The following FHOD3 variants were observed in gnomAD, a reference collection of about 807,000 sequenced individuals.
The protein encoded by FHOD3 is formin homology 2 domain containing 3, also known as FH1/FH2 domain-containing protein 3.
A neutral mutation model predicts 173.0 loss-of-function variants in FHOD3; 90 were observed. That is an observed-to-expected ratio of 0.52 (90% confidence interval 0.44 to 0.62). FHOD3 has a LOEUF of 0.62. Among genes scored for constraint, FHOD3 ranks in the 20% least tolerant of loss-of-function variants. The pLI, the probability that FHOD3 is intolerant of heterozygous loss-of-function variation, is 0.00. For missense variants in FHOD3, 1,945 were observed against 2,034.7 expected (o/e 0.96, Z 0.85); for synonymous variants, 828 against 823.0 (o/e 1.01, Z -0.10).
intron 5 of FHOD3, among the ~76,000 whole-genome samples, chr18:36,523,169 T>C (rs1459154048): frequency 1.3e-5 from 2 of 152,190 alleles, no homozygotes; most frequent in East Asian, 3.8e-4. Flanking sequence ...GTTCCTAGAA[T>C]TACAGCCCTC....
In FHOD3 at chr18:36,760,640, C is replaced by A; in HGVS notation, c.4482C>A (p.Pro1494=). Residue 1494 remains proline (P), a synonymous_variant, in exon 27 of 29, where the codon CCC becomes CCA. Coordinates refer to ENST00000590592, the MANE Select transcript of FHOD3 (RefSeq NM_001281740.3). The part of the protein sequence containing the change: ...SGKFSGSSPA[P]PSQPQGLSYA... ...AGTTCTCCGGCAGTTCTCCGGCGCC[C>A]CCAAGCCAGCCGCAGGGTCTGAGCT... 6.3e-7 allele frequency: 1 copy of A among 1,594,238 alleles called. No individual in the cohort carries two copies. The highest frequency in any genetic ancestry group is 1.1e-5 in the South Asian group (1 of 89,080).
rs113016893 is a variant in FHOD3 at position 36,383,326 on chromosome 18, G to A, written c.337+10582G>A. Among the ~76,000 whole-genome samples, 320 of 152,344 alleles carry A rather than the reference G, an allele frequency of 2.1e-3. 4 individuals carry two copies. The highest frequency in any genetic ancestry group is 7.3e-3 in the African/African-American group (302 of 41,574). On this transcript the variant is annotated intron_variant, in intron 3 of 28. Transcript: ENST00000590592. ...AATGTGGACATCTGAGGCTGGAGGA[G>A]TTCTCAGGGTGCTGTGCTGCGGCTG...
Position 36,681,555 on chromosome 18 carries a change from A to G in FHOD3, c.1955A>G (p.Glu652Gly). 6.2e-7 allele frequency: 1 copy of G among 1,613,672 alleles called. No individual in the cohort carries two copies. The highest frequency in any genetic ancestry group is 8.5e-7 in the Non-Finnish European group (1 of 1,179,768). The stretch of plus-strand genomic sequence containing the variant: ...AGGTTGCAGAGAATAGAGCGGGAAG[A>G]AAGAAACAAATTCAGGTAAGAAGGA... ...EERLQRIERE[E>G]RNKFSRDYLD... is the part of the protein sequence containing the mutation. Residue 652 changes from glutamate to glycine, a missense_variant, in exon 15 of 29, where the codon GAA becomes GGA. By Grantham distance (98) the Glu-to-Gly change is moderately conservative. Coordinates refer to ENST00000590592, the MANE Select transcript of FHOD3 (RefSeq NM_001281740.3).
intron 3 of FHOD3, among the ~76,000 whole-genome samples, chr18:36,430,744 G>A (rs1451073058): frequency 6.6e-6 from 1 of 152,128 alleles, no homozygotes; most frequent in African/African-American, 2.4e-5. Flanking sequence ...ATATTGGGCT[G>A]GTAGATTTAG....
intron 1 of FHOD3, among the ~76,000 whole-genome samples, chr18:36,318,038 G>A (rs980515316): frequency 1.3e-5 from 2 of 152,144 alleles, no homozygotes; most frequent in Non-Finnish European, 1.5e-5. Flanking sequence ...GATTCTAGAT[G>A]TGTGGTGTTA....
At position 36,760,840 on chromosome 18, in the gene FHOD3, G is replaced by C. The variant is rs925654081; in HGVS notation, c.4624+58G>C. On this transcript the variant is annotated intron_variant, in intron 27 of 28. Transcript: ENST00000590592. ...TTCTCAGGTTGGCCGCTCTGGGGGG[G>C]TCCGGTCTCCATCGCAGGCTGCGGT... 8 of 1,507,320 alleles carry C rather than the reference G, an allele frequency of 5.3e-6. No homozygotes were observed. The Admixed American group carries it at 1.4e-4, about 26-fold the overall frequency. 93.4% of individuals were successfully genotyped at this position (1,507,320 alleles called of 1,614,324 possible).
At chr18:36,466,098 A>G (rs938049941) in intron 3 of FHOD3, among the ~76,000 whole-genome samples, 1 of 152,136 alleles carries the variant, frequency 6.6e-6, no homozygotes, top group African/African-American at 2.4e-5. Context: ...CTGAATAAAT[A>G]AATACATGTT....
At chr18:36,571,210 T>C (rs2058440161) in intron 5 of FHOD3, among the ~76,000 whole-genome samples, 1 of 152,202 alleles carries the variant, frequency 6.6e-6, no homozygotes, top group Admixed American at 6.5e-5. Flanking sequence ...TTCAATTTTG[T>C]TTCTATATAC....
At chr18:36,743,906 C>G (rs776844802) in intron 22 of FHOD3, 126 bp from the exon 23 acceptor site, 4 of 1,047,846 alleles carry the variant, frequency 3.8e-6, no homozygotes, top group Non-Finnish European at 4.3e-6. Context: ...GCATGTGGCC[C>G]CAGGAGCTTC....
chr18:36,411,574 A>AT (rs1335474103), intron 3 of FHOD3, among the ~76,000 whole-genome samples: 2 of 151,952 alleles, frequency 1.3e-5, no homozygotes, highest in Non-Finnish European at 2.9e-5. Flanking sequence ...TACTTCATTT[A>AT]TTTTTTATGT....
Position 36,708,971 on chromosome 18 carries a change from C to G in FHOD3, c.2237-124C>G. ...GTGTTTGAATAACCAGGGCATAGGT[C>G]TCTTGGGGGCCATCTTTGGACATCT... is the stretch of plus-strand genomic sequence containing the variant. On this transcript the variant is annotated intron_variant, in intron 17 of 28. Transcript: ENST00000590592. 3 of 1,201,764 alleles carry G rather than the reference C, an allele frequency of 2.5e-6. No individual in the cohort carries two copies. The East Asian group carries it at 7.1e-5, about 28-fold the overall frequency. 74.4% of individuals were successfully genotyped at this position (1,201,764 alleles called of 1,614,324 possible). A position where few individuals can be genotyped will look rare whatever the true frequency, so the allele number is the denominator to read the frequency against.
intron 5 of FHOD3, among the ~76,000 whole-genome samples, chr18:36,548,009 T>C (rs2057483369): frequency 2.6e-5 from 4 of 152,168 alleles, no homozygotes; most frequent in Admixed American, 2.6e-4. Flanking sequence ...CTGGCCAACA[T>C]GGTGAAACCC....
chr18:36,746,085 T>A (rs1330484390), intron 23 of FHOD3, among the ~76,000 whole-genome samples: 11 of 152,170 alleles, frequency 7.2e-5, no homozygotes, highest in Non-Finnish European at 1.3e-4. Flanking sequence ...CTCTGATTTA[T>A]GTAATTTTTA....
chr18:36,546,583 A>T (rs2057417925), intron 5 of FHOD3, among the ~76,000 whole-genome samples: 1 of 152,202 alleles, frequency 6.6e-6, no homozygotes, highest in Non-Finnish European at 1.5e-5. Context: ...CGTATCCAGC[A>T]CCAGGAAGGG....
intron 10 of FHOD3, among the ~76,000 whole-genome samples, chr18:36,640,991 A>G (rs1017757013): frequency 6.6e-6 from 1 of 152,176 alleles, no homozygotes; most frequent in Non-Finnish European, 1.5e-5. Flanking sequence ...TGCCCTCTCC[A>G]GACCCCATCC....
At chr18:36,551,734 C>A (rs955252667) in intron 5 of FHOD3, among the ~76,000 whole-genome samples, 5 of 152,304 alleles carry the variant, frequency 3.3e-5, no homozygotes, top group African/African-American at 1.2e-4. Flanking sequence ...GTTTTCCCAG[C>A]ACCATTTATT....
chr18:36,576,672 G>T, intron 6 of FHOD3, 127 bp downstream of exon 6: 1 of 548,986 alleles, frequency 1.8e-6, no homozygotes, highest in Non-Finnish European at 3.1e-6. Context: ...GTATAAATGA[G>T]GATTACTACT....
intron 10 of FHOD3, among the ~76,000 whole-genome samples, chr18:36,646,118 G>A (rs979823223): frequency 6.6e-6 from 1 of 152,150 alleles, no homozygotes; most frequent in African/African-American, 2.4e-5. Flanking sequence ...AGTAGGTAAA[G>A]CCATCATTAT....
intron 14 of FHOD3, among the ~76,000 whole-genome samples, chr18:36,660,767 C>T (rs890896725): frequency 1.3e-5 from 2 of 152,150 alleles, no homozygotes; most frequent in African/African-American, 4.8e-5. Context: ...ACTCAGCAGT[C>T]CTTGGCTTGA....
Sources: gnomAD v4.1 joint callset for allele counts (sites outside exome capture counted in the v4.1 genomes callset) on GRCh38, gnomAD v4.1.1 for gene constraint, MANE v1.5 for transcripts, NCBI Gene and HGNC (gene_info 2026-07-23, HGNC 2026-07-21) for gene names.